EVA1A: variants seen among roughly 807,000 people sequenced by gnomAD.
The protein encoded by EVA1A is eva-1 homolog A, regulator of programmed cell death, also known as protein eva-1 homolog A.
EVA1A carries 7 observed loss-of-function variants against 9.8 expected under a neutral mutation model. The ratio of observed to expected loss-of-function variants is 0.71; its 90% confidence interval spans 0.41 to 1.34. EVA1A has a LOEUF of 1.34. Among genes scored for constraint, EVA1A ranks in the 40% most tolerant of loss-of-function variants. EVA1A has a pLI of 0.01. For missense variants in EVA1A, 206 were observed against 205.9 expected, an observed-to-expected ratio of 1.00 and a Z score of 0.00; for synonymous variants, 90 against 85.6, an observed-to-expected ratio of 1.05 and a Z score of -0.28.
intron 3 of EVA1A, among the ~76,000 whole-genome samples, chr2:75,515,490 T>A (rs550558680): frequency 3.2e-4 from 48 of 152,332 alleles, no homozygotes; most frequent in African/African-American, 1.2e-3. Flanking sequence ...TCATCTAATA[T>A]GAACCCTGGC....
chr2:75,567,098 G>A (rs1252201998), intron 1 of EVA1A, among the ~76,000 whole-genome samples: 1 of 152,064 alleles, frequency 6.6e-6, no homozygotes, highest in Non-Finnish European at 1.5e-5. Context: ...GAAAATTCAA[G>A]TTAGATCCCA....
chr2:75,543,490 G>A (rs778740915), intron 1 of EVA1A, among the ~76,000 whole-genome samples: 3 of 152,022 alleles, frequency 2.0e-5, no homozygotes, highest in African/African-American at 4.8e-5. Context: ...CAGGGACCCA[G>A]AGGAAGTCAG....
At chr2:75,523,673 T>C (rs1039848335) in intron 1 of EVA1A, among the ~76,000 whole-genome samples, 4 of 152,208 alleles carry the variant, frequency 2.6e-5, no homozygotes, top group African/African-American at 9.6e-5. Flanking sequence ...GACCTTGTCA[T>C]CACCTGGAAA....
chr2:75,533,591 G>A (rs915746899), intron 1 of EVA1A, among the ~76,000 whole-genome samples: 20 of 151,996 alleles, frequency 1.3e-4, no homozygotes, highest in Admixed American at 5.2e-4. Flanking sequence ...ATGAGTTTTC[G>A]TATTTAACAG....
rs1056427490 is a variant in EVA1A at position 75,492,720 on chromosome 2, G to C, written c.*516C>G. The C allele has an allele frequency of 6.5e-6, 1 of 153,136 alleles. No individual in the cohort carries two copies. Among genetic ancestry groups the C allele is most frequent in the African/African-American group, 2.4e-5 (1 of 41,446 alleles). 9.5% of individuals were successfully genotyped at this position (153,136 alleles called of 1,614,324 possible). A position where few individuals can be genotyped will look rare whatever the true frequency, so the allele number is the denominator to read the frequency against. On this transcript the variant is annotated 3_prime_UTR_variant, in exon 4 of 4. Transcript: ENST00000393913. ...CTGAGGTGCCAGTTAAAATGGACGA[G>C]GTTGCCCTTGCAACACAAGATTTTA...
intron 1 of EVA1A, among the ~76,000 whole-genome samples, chr2:75,533,238 G>C (rs1419677984): frequency 6.6e-6 from 1 of 151,658 alleles, no homozygotes; most frequent in Non-Finnish European, 1.5e-5. Context: ...GAAAAACGGC[G>C]TCCTAGCTAT....
At chr2:75,505,136 G>A (rs988847908) in intron 3 of EVA1A, among the ~76,000 whole-genome samples, 5 of 152,136 alleles carry the variant, frequency 3.3e-5, no homozygotes, top group African/African-American at 9.7e-5. Flanking sequence ...CTAGGCAGAA[G>A]GCCCTGACAC....
At chr2:75,513,360 T>G (rs1025176594) in intron 3 of EVA1A, among the ~76,000 whole-genome samples, 1 of 152,216 alleles carries the variant, frequency 6.6e-6, no homozygotes, top group East Asian at 1.9e-4. Context: ...ACATTAGAAC[T>G]CTAGACTTAT....
In EVA1A at chr2:75,493,258, C is replaced by G. The variant is rs141643888; in HGVS notation, c.437G>C (p.Arg146Thr). Reference sequence around the variant, plus strand: ...TCCCTAATAGTAGCGATTCAGGCTCCTGGTCCCGGGCACCTCAGGCTGGCC... The same window carrying G: ...TCCCTAATAGTAGCGATTCAGGCTCGTGGTCCCGGGCACCTCAGGCTGGCC... ...MNGQPEVPGT[R>T]SLNRYY Residue 146 changes from arginine (R) to threonine (T), a missense_variant, in exon 4 of 4, where the codon AGG (arginine) becomes ACG (threonine). Physicochemically the swap from Arg to Thr is moderately conservative, Grantham distance 71. Transcript: ENST00000393913. 3 of 1,613,262 alleles carry G rather than the reference C, an allele frequency of 1.9e-6. No homozygotes were observed. Among genetic ancestry groups the G allele is most frequent in the South Asian group, 2.2e-5 (2 of 91,044 alleles).
At chr2:75,523,217 C>A (rs1361037031) in intron 1 of EVA1A, among the ~76,000 whole-genome samples, 4 of 152,210 alleles carry the variant, frequency 2.6e-5, no homozygotes, top group Non-Finnish European at 4.4e-5. Context: ...TATTTCTTCC[C>A]CAAAATGGAT....
At chr2:75,560,487 A>G (rs546158829) in intron 1 of EVA1A, among the ~76,000 whole-genome samples, 193 bp downstream of exon 1, 2 of 152,274 alleles carry the variant, frequency 1.3e-5, no homozygotes, top group East Asian at 3.9e-4. Context: ...GGCAAAAAAG[A>G]AAGCGCTGGG....
chr2:75,550,504 G>A (rs368838400), intron 1 of EVA1A, among the ~76,000 whole-genome samples: 72 of 152,214 alleles, frequency 4.7e-4, no homozygotes, highest in Middle Eastern at 3.4e-3. Flanking sequence ...CTGAAGTGGA[G>A]CTTCAGTACA....
chr2:75,494,079 G>T (rs117699033), intron 3 of EVA1A, among the ~76,000 whole-genome samples: 17 of 152,238 alleles, frequency 1.1e-4, no homozygotes, highest in Admixed American at 9.8e-4. Context: ...GTATTCACAC[G>T]CTTGTGCAAT....
chr2:75,557,265 G>T (rs1379123260), intron 1 of EVA1A, among the ~76,000 whole-genome samples: 1 of 152,132 alleles, frequency 6.6e-6, no homozygotes, highest in Admixed American at 6.5e-5. Context: ...CAAAGCCAAG[G>T]CTGCATTAGA....
At position 75,493,035 on chromosome 2, in the gene EVA1A, G is replaced by A. The variant is rs1674083628; in HGVS notation, c.*201C>T. The A allele has an allele frequency of 1.3e-5, 9 of 715,116 alleles. No individual in the cohort carries two copies. Among genetic ancestry groups the A allele is most frequent in the Non-Finnish European group, 2.1e-5 (9 of 430,972 alleles). The allele number at this position is 715,116 out of a possible 1,614,324, so 44.3% of individuals were successfully genotyped here. A position where few individuals can be genotyped will look rare whatever the true frequency, so the allele number is the denominator to read the frequency against. On this transcript the variant is annotated 3_prime_UTR_variant, in exon 4 of 4. Coordinates refer to ENST00000393913, the MANE Select transcript of EVA1A (RefSeq NM_001135032.2). ...CACCATTCCGAGACCTGGAAAGGGT[G>A]ATGAACTGCTTTGATTTTTCTACTT...
chr2:75,538,215 G>A (rs534577197), intron 1 of EVA1A, among the ~76,000 whole-genome samples: 11 of 152,244 alleles, frequency 7.2e-5, no homozygotes, highest in African/African-American at 1.9e-4. Context: ...GCTTGAATCC[G>A]GGAGGTGGAG....
intron 1 of EVA1A, among the ~76,000 whole-genome samples, chr2:75,537,721 G>A (rs1460788212): frequency 1.3e-5 from 2 of 152,156 alleles, no homozygotes; most frequent in East Asian, 3.9e-4. Flanking sequence ...TTGCCCTTGT[G>A]GTAATGAGTG....
At chr2:75,555,157 T>G (rs894095756) in intron 1 of EVA1A, among the ~76,000 whole-genome samples, 1 of 152,170 alleles carries the variant, frequency 6.6e-6, no homozygotes, top group African/African-American at 2.4e-5. Context: ...CTCAGTGCAA[T>G]CAGCACATGC....
chr2:75,556,874 G>A (rs1156969480), intron 1 of EVA1A, among the ~76,000 whole-genome samples: 1 of 152,212 alleles, frequency 6.6e-6, no homozygotes, highest in East Asian at 1.9e-4. Flanking sequence ...TCTGACAGGA[G>A]GCGGAGCTCA....
Sources: allele counts gnomAD v4.1 joint callset (sites outside exome capture counted in the v4.1 genomes callset), GRCh38; gene constraint gnomAD v4.1.1; transcripts MANE v1.5; gene names NCBI Gene and HGNC (gene_info 2026-07-23, HGNC 2026-07-21).